The following AK2 variants were observed in gnomAD, a reference collection of about 807,000 sequenced individuals.
AK2 encodes adenylate kinase 2, also known as adenylate kinase 2, mitochondrial.
AK2 carries 15 observed loss-of-function variants against 24.6 expected under a neutral mutation model. The ratio of observed to expected loss-of-function variants is 0.61; its 90% CI spans 0.41 to 0.94. AK2 has a LOEUF of 0.94. AK2 is among the 40% of genes least tolerant of loss of function. The pLI, the probability that AK2 is intolerant of heterozygous loss-of-function variation, is 0.00. For missense variants in AK2, 257 were observed against 304.1 expected, an observed-to-expected ratio of 0.85 and a Z score of 1.15; for synonymous variants, 102 against 114.0, an observed-to-expected ratio of 0.90 and a Z score of 0.67.
In AK2 at chr1:33,009,350, A is replaced by G; in HGVS notation, c.*3831T>C. 2.2e-6 allele frequency: 1 copy of G among 454,146 alleles called. No homozygotes were observed. The highest frequency in any genetic ancestry group is 1.6e-5 in the South Asian group (1 of 64,482). The allele number at this position is 454,146 out of a possible 1,614,324, so 28.1% of individuals were successfully genotyped here. On this transcript the variant is annotated 3_prime_UTR_variant, in exon 6 of 6. Transcript: ENST00000672715. ...GAATTTAAACTAGGACACACAGAGA[A>G]GCAACAAAGAGTGTTAAAGAAGCAA...
At chr1:33,014,050 T>A (rs1254422611) in intron 5 of AK2, among the ~76,000 whole-genome samples, 1 of 152,146 alleles carries the variant, frequency 6.6e-6, no homozygotes, top group Non-Finnish European at 1.5e-5. Context: ...TATAGACTCT[T>A]TATGGCAAAT....
chr1:33,013,286 C>T lies in AK2; in HGVS notation c.615G>A (p.Gly205=), dbSNP rs769651837. The part of the protein sequence containing the change: ...TPLIEYYRKR[G]IHSAIDASQT... ...GGGATGCATCGATGGCGGAGTGGAT[C>T]CCCCGTTTCCTGTAGTACTCTATGA... The change falls in exon 6 of 6, where the codon GGG becomes GGA. Residue 205 remains glycine (G), a synonymous_variant. Transcript: ENST00000672715. The T allele has an allele frequency of 6.2e-7, 1 of 1,613,996 alleles. No individual in the cohort carries two copies.
chr1:33,033,150 ACT>A (rs1281754854), intron 1 of AK2, among the ~76,000 whole-genome samples: 1 of 146,094 alleles, frequency 6.8e-6, no homozygotes, highest in African/African-American at 2.5e-5. Context: ...ACAGAGCGAG[ACT>A]CTGTCTCAAA....
rs1192619329 is a variant in AK2 at position 33,021,462 on chromosome 1, C to T, written c.331-1G>A. The T allele has an allele frequency of 3.1e-6, 5 of 1,613,990 alleles. No homozygotes were observed. Among genetic ancestry groups the T allele is most frequent in the Non-Finnish European group, 4.2e-6 (5 of 1,179,894 alleles). On this transcript the variant is annotated splice_acceptor_variant, in intron 3 of 5. Coordinates refer to ENST00000672715, the MANE Select transcript of AK2 (RefSeq NM_001625.4). LOFTEE classifies it high-confidence loss of function. The stretch of plus-strand genomic sequence containing the variant: ...TCCTCTTCTCCATGAGGTCATCGAG[C>T]TGTAAAAGAATGTGTGGCCCACCTA...
chr1:33,034,494 C>CAT (rs1640458468), intron 1 of AK2, among the ~76,000 whole-genome samples: 10 of 142,192 alleles, frequency 7.0e-5, no homozygotes, highest in Middle Eastern at 3.8e-3. Context: ...ACACATATAT[C>CAT]ATAATTTTCC....
At chr1:33,029,522 T>G (rs1298168627) in intron 1 of AK2, 1 of 151,838 alleles carries the variant, frequency 6.6e-6, no homozygotes, top group Non-Finnish European at 1.5e-5. Context: ...CAAGCAATCT[T>G]CCTGCCTTAG....
intron 1 of AK2, among the ~76,000 whole-genome samples, chr1:33,033,393 C>T (rs1394773609): frequency 1.3e-5 from 2 of 152,076 alleles, no homozygotes; most frequent in Admixed American, 6.6e-5. Flanking sequence ...TGGTGGCATG[C>T]ACCTGTAATC....
intron 2 of AK2, among the ~76,000 whole-genome samples, chr1:33,022,156 TG>T (rs1318981081): frequency 6.6e-6 from 1 of 151,930 alleles, no homozygotes; most frequent in Non-Finnish European, 1.5e-5. Context: ...CAGGAGAGAA[TG>T]GGGTTGACCA....
At chr1:33,023,829 T>C (rs932641772) in intron 2 of AK2, among the ~76,000 whole-genome samples, 1 of 152,170 alleles carries the variant, frequency 6.6e-6, no homozygotes, top group Non-Finnish European at 1.5e-5. Context: ...AAGAATACTA[T>C]GAATGAGTGC....
At chr1:33,026,319 C>G (rs2124354820) in intron 1 of AK2, among the ~76,000 whole-genome samples, 1 of 152,298 alleles carries the variant, frequency 6.6e-6, no homozygotes, top group African/African-American at 2.4e-5. Context: ...CCTGCCTCAG[C>G]CTCCCAGTAG....
chr1:33,029,908 A>C (rs1640132741), intron 1 of AK2, among the ~76,000 whole-genome samples: 1 of 152,198 alleles, frequency 6.6e-6, no homozygotes, highest in Admixed American at 6.5e-5. Flanking sequence ...ATGCAGCTAG[A>C]ATCATATCTT....
chr1:33,010,673 A>T lies in AK2; in HGVS notation c.*2508T>A. The T allele has an allele frequency of 7.0e-6, 11 of 1,582,670 alleles. No individual in the cohort carries two copies. Among genetic ancestry groups the T allele is most frequent in the East Asian group, 2.3e-5 (1 of 44,050 alleles). ...ATAAAAGAAACTGCCACACTACAAT[A>T]ACACTGCTGTTGTTCCAAGTATTCC... On this transcript the variant is annotated 3_prime_UTR_variant, in exon 6 of 6. Coordinates refer to ENST00000672715, the MANE Select transcript of AK2 (RefSeq NM_001625.4).
At chr1:33,022,172 A>G (rs1297383519) in intron 2 of AK2, among the ~76,000 whole-genome samples, 1 of 152,122 alleles carries the variant, frequency 6.6e-6, no homozygotes, top group Non-Finnish European at 1.5e-5. Flanking sequence ...TGACCAAAAC[A>G]CAGGCATCAG....
At chr1:33,013,540 G>A in intron 5 of AK2, 138 bp from the exon 6 acceptor site, 3 of 1,476,020 alleles carry the variant, frequency 2.0e-6, no homozygotes, top group Non-Finnish European at 2.8e-6. Flanking sequence ...ACAAAGACAG[G>A]CAATCCAGAC....
In AK2 at chr1:33,021,696, T is replaced by C. The variant is rs1255944046; in HGVS notation, c.227A>G (p.Asp76Gly). ...ATMDAGKLVS[D>G]EMVVELIEKN... The stretch of plus-strand genomic sequence containing the variant: ...CTCAATGAGCTCCACTACCATTTCA[T>C]CACTCACCTGGAAGTTAGGAACAAA... The change falls in exon 3 of 6, where the codon GAT becomes GGT. Residue 76 changes from aspartate to glycine, a missense_variant. Transcript: ENST00000672715. The C allele has an allele frequency of 3.1e-6, 5 of 1,613,092 alleles. No homozygotes were observed. Among genetic ancestry groups the C allele is most frequent in the Non-Finnish European group, 4.2e-6 (5 of 1,179,132 alleles).
intron 4 of AK2, among the ~76,000 whole-genome samples, chr1:33,016,623 G>A (rs997876375): frequency 3.3e-5 from 5 of 152,002 alleles, no homozygotes; most frequent in Non-Finnish European, 7.4e-5. Flanking sequence ...TGACCCTCCC[G>A]CCTCAGTCTC....
At chr1:33,013,784 C>A (rs200934973) in intron 5 of AK2, among the ~76,000 whole-genome samples, 3 of 152,198 alleles carry the variant, frequency 2.0e-5, no homozygotes, top group Non-Finnish European at 4.4e-5. Context: ...ATCAAAGATA[C>A]ATTAGCAATT....
At chr1:33,030,508 C>T (rs968596874) in intron 1 of AK2, among the ~76,000 whole-genome samples, 1 of 152,016 alleles carries the variant, frequency 6.6e-6, no homozygotes, top group Non-Finnish European at 1.5e-5. Flanking sequence ...GAACTATGAC[C>T]GTGCCATTGC....
chr1:33,021,522 A>C (rs1639554841), intron 3 of AK2, 61 bp from the exon 4 acceptor site: 12 of 1,605,378 alleles, frequency 7.5e-6, no homozygotes, highest in Non-Finnish European at 1.0e-5. Flanking sequence ...ATCTCCTTCA[A>C]AGGAATTAAG....
Sources: gnomAD v4.1 joint callset for allele counts (sites outside exome capture counted in the v4.1 genomes callset) on GRCh38, gnomAD v4.1.1 for gene constraint, MANE v1.5 for transcripts, NCBI Gene and HGNC (gene_info 2026-07-23, HGNC 2026-07-21) for gene names.